The following RBM20 variants were observed in gnomAD, a reference collection of about 807,000 sequenced individuals.
RBM20 encodes the protein RNA binding motif protein 20, also known as RNA-binding protein 20.
A neutral mutation model predicts 110.1 loss-of-function variants in RBM20; 51 were observed. The ratio of observed to expected loss-of-function variants is 0.46; its 90% CI spans 0.37 to 0.59. The LOEUF (loss-of-function observed/expected upper bound fraction) is 0.59, where lower values mean the gene tolerates loss of function less well. Among genes scored for constraint, RBM20 ranks in the 20% least tolerant of loss-of-function variants. The pLI is 0.00. For missense variants in RBM20, 1,512 were observed against 1,574.9 expected (o/e 0.96, Z 0.68); for synonymous variants, 589 against 618.2 (o/e 0.95, Z 0.70).
chr10:110,781,934 C>G (rs1590675469), intron 2 of RBM20, 50 bp downstream of exon 2: 2 of 1,550,360 alleles, frequency 1.3e-6, no homozygotes, highest in South Asian at 2.4e-5. Flanking sequence ...CCTGGGCAGG[C>G]CTTTCCCCAT....
At chr10:110,782,368 C>T (rs1170080921) in intron 2 of RBM20, among the ~76,000 whole-genome samples, 3 of 152,158 alleles carry the variant, frequency 2.0e-5, no homozygotes, top group African/African-American at 7.2e-5. Context: ...GCTTCCCCAT[C>T]AGCAAAATGG....
At position 110,644,589 on chromosome 10, in the gene RBM20, GCCGCCGCCCCAGCCACCGCCC is replaced by G. The variant is rs1286990478; in HGVS notation, c.141_161del (p.Pro48_Pro54del). The G allele has an allele frequency of 2.2e-5, 33 of 1,524,408 alleles. No homozygotes were observed. The highest frequency in any genetic ancestry group is 4.1e-5 in the Admixed American group (2 of 49,120). The allele number at this position is 1,524,408 out of a possible 1,614,324, so 94.4% of individuals were successfully genotyped here. On this transcript the variant is annotated inframe_deletion, in exon 1 of 14. Coordinates refer to ENST00000369519, the MANE Select transcript of RBM20 (RefSeq NM_001134363.3). This position sits in a 1 kb window ranked among gnomAD's most constrained non-coding sequence, Gnocchi z 4.3. ...GCCCGCGAGGGATGCAGCAGCCGCC[GCCGCCGCCCCAGCCACCGCCC>G]CCGCCCCAAGCCGGCCTACCCCAGA...
At chr10:110,670,031 G>A (rs1862235575) in intron 1 of RBM20, among the ~76,000 whole-genome samples, 2 of 151,532 alleles carry the variant, frequency 1.3e-5, no homozygotes, top group African/African-American at 4.8e-5. Context: ...ACTTTATTTA[G>A]TAAGTCTAAT....
chr10:110,725,573 C>CT (rs1843551616), intron 1 of RBM20, among the ~76,000 whole-genome samples: 1 of 152,184 alleles, frequency 6.6e-6, no homozygotes, highest in South Asian at 2.1e-4. Context: ...GCAAGACAAT[C>CT]TGATTGGCCA....
Position 110,812,938 on chromosome 10 carries a change from A to G in RBM20, c.2541A>G (p.Ala847=). ...GADDRKENTM[A]ENEAGKEEQE... is the part of the protein sequence containing the mutation. ...ATGATAGAAAAGAAAACACAATGGC[A>G]GAGAATGAGGTAATGATCAATTTCT... The change falls in exon 9 of 14, where the codon GCA becomes GCG. Residue 847 remains alanine (A), a synonymous_variant. Transcript: ENST00000369519. 1 of 1,451,348 alleles carries G rather than the reference A, an allele frequency of 6.9e-7. No individual in the cohort carries two copies. Among genetic ancestry groups the G allele is most frequent in the Non-Finnish European group, 9.1e-7 (1 of 1,100,178 alleles). The allele number at this position is 1,451,348 out of a possible 1,614,324, so 89.9% of individuals were successfully genotyped here. A position where few individuals can be genotyped will look rare whatever the true frequency, so the allele number is the denominator to read the frequency against.
chr10:110,821,298 T>G lies in RBM20; in HGVS notation c.2679T>G (p.Ser893Arg), dbSNP rs1243335115. 5.8e-6 allele frequency: 9 copies of G among 1,551,294 alleles called. No individual in the cohort carries two copies. The highest frequency in any genetic ancestry group is 7.8e-6 in the Non-Finnish European group (9 of 1,146,672). ...TKKEQDWESE[S>R]EAEGESWYPT... ...AGGAACAAGATTGGGAGAGTGAAAG[T>G]GAGGCAGAGGGGGAGAGCTGGTATC... Residue 893 changes from serine (S) to arginine (R), a missense_variant, in exon 11 of 14, where the codon AGT (serine) becomes AGG (arginine). Physicochemically the swap from Ser to Arg is moderately radical, Grantham distance 110. This residue lies in a region of RBM20 where 1,149 missense variants were observed against 1,169.4 expected (regional missense o/e 0.98). Coordinates refer to ENST00000369519, the MANE Select transcript of RBM20 (RefSeq NM_001134363.3).
intron 1 of RBM20, among the ~76,000 whole-genome samples, chr10:110,773,097 T>TC (rs551651913): frequency 3.3e-4 from 50 of 152,364 alleles, no homozygotes; most frequent in Admixed American, 1.5e-3. Flanking sequence ...GATTTTGCAC[T>TC]CCATTGCGCT....
rs886046721 is a variant in RBM20, at chr10:110,838,715, G to A, written c.*2737G>A. The A allele has an allele frequency of 7.5e-6, 1 of 133,310 alleles. No individual in the cohort carries two copies. Among genetic ancestry groups the A allele is most frequent in the East Asian group, 2.2e-4 (1 of 4,546 alleles). 8.3% of individuals were successfully genotyped at this position (133,310 alleles called of 1,614,324 possible). A position where few individuals can be genotyped will look rare whatever the true frequency, so the allele number is the denominator to read the frequency against. ...GGTCGTGTAGTGTTATGGCTCTCTT[G>A]TGATAGACTGGCCTTCATATTGGAG... On this transcript the variant is annotated 3_prime_UTR_variant, in exon 14 of 14. Transcript: ENST00000369519.
chr10:110,758,775 T>C (rs1843955345), intron 1 of RBM20, among the ~76,000 whole-genome samples: 1 of 152,016 alleles, frequency 6.6e-6, no homozygotes, highest in African/African-American at 2.4e-5. Flanking sequence ...AATAGAAAAA[T>C]GTGGCAAATA....
At chr10:110,767,363 G>A (rs61862863) in intron 1 of RBM20, among the ~76,000 whole-genome samples, 1 of 140,856 alleles carries the variant, frequency 7.1e-6, no homozygotes, top group African/African-American at 2.7e-5. Flanking sequence ...CCTCCCTCCC[G>A]GACAGGGCGG....
chr10:110,715,777 T>A (rs900344883), intron 1 of RBM20, among the ~76,000 whole-genome samples: 2 of 151,906 alleles, frequency 1.3e-5, no homozygotes, highest in Non-Finnish European at 2.9e-5. Flanking sequence ...TACTGAAGGG[T>A]CTCACCCCTG....
At chr10:110,808,995 G>C (rs1470328078) in intron 7 of RBM20, among the ~76,000 whole-genome samples, 1 of 151,996 alleles carries the variant, frequency 6.6e-6, no homozygotes, top group East Asian at 1.9e-4. Context: ...CAGGAGGATT[G>C]CTTGAGCCCG....
intron 1 of RBM20, among the ~76,000 whole-genome samples, chr10:110,750,750 A>T (rs1025405246): frequency 6.6e-6 from 1 of 152,170 alleles, no homozygotes; most frequent in East Asian, 1.9e-4. Flanking sequence ...CATGCTGCTG[A>T]CATCAGTGTA....
chr10:110,767,122 C>A (rs1253739275), intron 1 of RBM20, among the ~76,000 whole-genome samples: 1 of 117,568 alleles, frequency 8.5e-6, no homozygotes, highest in Non-Finnish European at 1.9e-5. Context: ...GCTGACCCCC[C>A]CCACCTCCCT....
intron 13 of RBM20, chr10:110,835,340 T>TTTTTTTTTTTTTTTTTC (rs1564669645): frequency 1.8e-4 from 4 of 21,760 alleles, no homozygotes; most frequent in African/African-American, 2.3e-4. Flanking sequence ...TTTTTTTTTC[T>TTTTTTTTTTTTTTTTTC]TTTTTTTTTT....
At chr10:110,757,418 T>A (rs923740672) in intron 1 of RBM20, among the ~76,000 whole-genome samples, 5 of 152,208 alleles carry the variant, frequency 3.3e-5, no homozygotes, top group Admixed American at 6.5e-5. Context: ...CAAATTTTAA[T>A]TGAAGTAAAT....
chr10:110,814,988 C>T (rs1450470461), intron 9 of RBM20, among the ~76,000 whole-genome samples: 2 of 152,032 alleles, frequency 1.3e-5, no homozygotes, highest in Non-Finnish European at 2.9e-5. Context: ...TAATTAATGA[C>T]GGCATCATGA....
chr10:110,656,941 A>G (rs1276579330), intron 1 of RBM20, among the ~76,000 whole-genome samples: 1 of 151,920 alleles, frequency 6.6e-6, no homozygotes, highest in African/African-American at 2.4e-5. Flanking sequence ...ACATTTTTGT[A>G]CAAGTTTTTG....
chr10:110,789,084 C>CT (rs1423098229), intron 5 of RBM20, among the ~76,000 whole-genome samples: 1 of 152,226 alleles, frequency 6.6e-6, no homozygotes, highest in Non-Finnish European at 1.5e-5. Flanking sequence ...TTACATGCAT[C>CT]TTTTCAGAAA....
Sources: gnomAD v4.1 joint callset for allele counts (sites outside exome capture counted in the v4.1 genomes callset) on GRCh38, gnomAD v4.1.1 for gene constraint, gnomAD v4.1.1 regional missense constraint, Gnocchi (gnomAD v3.1) non-coding constraint, MANE v1.5 for transcripts, NCBI Gene and HGNC (gene_info 2026-07-23, HGNC 2026-07-21) for gene names.